SLF2: variants seen among roughly 807,000 people sequenced by gnomAD.
The protein encoded by SLF2 is SMC5/6 complex localization factor 2, also known as SMC5-SMC6 complex localization factor protein 2.
A neutral mutation model predicts 124.3 loss-of-function variants in SLF2; 68 were observed. That is an observed-to-expected ratio of 0.55 (90% CI 0.45 to 0.67). The LOEUF (loss-of-function observed/expected upper bound fraction) is 0.67. SLF2 is among the 30% of genes least tolerant of loss of function. SLF2 has a pLI of 0.00. For synonymous variants in SLF2, 480 were observed against 478.8 expected, an observed-to-expected ratio of 1.00 and a Z score of -0.03; for missense variants, 1,246 against 1,373.7, an observed-to-expected ratio of 0.91 and a Z score of 1.47.
intron 4 of SLF2, among the ~76,000 whole-genome samples, chr10:100,920,248 G>T (rs1849499525): frequency 6.6e-6 from 1 of 152,166 alleles, no homozygotes. Context: ...TTTTATATAA[G>T]GGGCTGCTGC....
intron 6 of SLF2, among the ~76,000 whole-genome samples, chr10:100,927,404 T>C: frequency 6.6e-6 from 1 of 152,280 alleles, no homozygotes; most frequent in East Asian, 1.9e-4. Flanking sequence ...TTCATTCATA[T>C]AGTAGCATGT....
rs1162715332 is a variant in SLF2, at chr10:100,945,451, A to G, written c.2879A>G (p.Asp960Gly). ...EKQLKQIPLV[D>G]FQSLLINLMK... ...CAGCTGAAACAGATTCCTTTAGTAG[A>G]CTTTCAAAGCCTCCTGATAAACCTG... The change falls in exon 13 of 20, where the codon GAC becomes GGC. Residue 960 changes from aspartate (D) to glycine (G), a missense_variant. This residue lies in a region of SLF2 where 535 missense variants were observed against 632.8 expected (regional missense o/e 0.85). Coordinates refer to ENST00000238961, the MANE Select transcript of SLF2 (RefSeq NM_018121.4). The G allele has an allele frequency of 5.0e-6, 8 of 1,593,064 alleles. No homozygotes were observed. The highest frequency in any genetic ancestry group is 6.0e-6 in the Non-Finnish European group (7 of 1,175,432).
chr10:100,959,814 C>T (rs896746332), intron 19 of SLF2, among the ~76,000 whole-genome samples: 4 of 152,114 alleles, frequency 2.6e-5, no homozygotes, highest in African/African-American at 4.8e-5. Context: ...ACCCACTTAA[C>T]GTGTACAGTG....
chr10:100,960,466 G>A (rs1850406573), intron 19 of SLF2, among the ~76,000 whole-genome samples: 1 of 152,212 alleles, frequency 6.6e-6, no homozygotes, highest in Admixed American at 6.5e-5. Flanking sequence ...GAGTAGGGAA[G>A]TAGAATCTCA....
intron 4 of SLF2, 139 bp from the exon 5 acceptor site, chr10:100,923,836 G>A (rs1285434327): frequency 3.6e-6 from 2 of 560,056 alleles, no homozygotes; most frequent in Non-Finnish European, 5.5e-6. Flanking sequence ...CTCTTTTTCT[G>A]CATTCCATAT....
rs1266519674 is a variant in SLF2, at chr10:100,963,853, T to C, written c.*1941T>C. The C allele has an allele frequency of 6.6e-6, 1 of 152,584 alleles. No homozygotes were observed. Among genetic ancestry groups the C allele is most frequent in the Non-Finnish European group, 1.5e-5 (1 of 68,032 alleles). The allele number at this position is 152,584 out of a possible 1,614,324, so 9.5% of individuals were successfully genotyped here. On this transcript the variant is annotated 3_prime_UTR_variant, in exon 20 of 20. Coordinates refer to ENST00000238961, the MANE Select transcript of SLF2 (RefSeq NM_018121.4). Reference sequence around the variant, plus strand: ...ACTGTCCATCAAATTTAAAACCACTTTGATACATTTTTATTTAACAGTTCC... The same window carrying C: ...ACTGTCCATCAAATTTAAAACCACTCTGATACATTTTTATTTAACAGTTCC...
In SLF2 at chr10:100,964,105, A is replaced by G. The variant is rs1391655504; in HGVS notation, c.*2193A>G. 1 of 152,540 alleles carries G rather than the reference A, an allele frequency of 6.6e-6. No individual in the cohort carries two copies. The highest frequency in any genetic ancestry group is 1.5e-5 in the Non-Finnish European group (1 of 68,042). The allele number at this position is 152,540 out of a possible 1,614,324, so 9.4% of individuals were successfully genotyped here. ...AAGTAGCCCATGGTTTTTCTTCCAA[A>G]TCAAGTATTTTACTTCTCCCTTGAG... is the stretch of plus-strand genomic sequence containing the variant. On this transcript the variant is annotated 3_prime_UTR_variant, in exon 20 of 20. Coordinates refer to ENST00000238961, the MANE Select transcript of SLF2 (RefSeq NM_018121.4).
intron 15 of SLF2, among the ~76,000 whole-genome samples, chr10:100,949,611 T>TGA (rs1850172397): frequency 6.6e-6 from 1 of 151,942 alleles, no homozygotes; most frequent in African/African-American, 2.4e-5. Context: ...TTTTTTTTTT[T>TGA]GAGAGATGTA....
chr10:100,936,152 C>T (rs2863094), intron 9 of SLF2, among the ~76,000 whole-genome samples: 39,274 of 151,448 alleles, frequency 0.26, 5,794 homozygotes, highest in East Asian at 0.56. Flanking sequence ...TGAGACACTG[C>T]GCCTGGCCCT....
In SLF2 at chr10:100,961,987, A is replaced by C; in HGVS notation, c.*75A>C. 2.2e-6 allele frequency: 3 copies of C among 1,334,144 alleles called. No individual in the cohort carries two copies. Among genetic ancestry groups the C allele is most frequent in the Non-Finnish European group, 3.1e-6 (3 of 956,920 alleles). 82.6% of individuals were successfully genotyped at this position (1,334,144 alleles called of 1,614,324 possible). A position where few individuals can be genotyped will look rare whatever the true frequency, so the allele number is the denominator to read the frequency against. ...CTTTCATAGAGGAGTAGAAAGGATTATTACAGAATCCAATGAATGCCAAGA... is the reference window on the plus strand; with the variant it reads ...CTTTCATAGAGGAGTAGAAAGGATTCTTACAGAATCCAATGAATGCCAAGA... On this transcript the variant is annotated 3_prime_UTR_variant, in exon 20 of 20. Coordinates refer to ENST00000238961, the MANE Select transcript of SLF2 (RefSeq NM_018121.4).
At position 100,916,790 on chromosome 10, in the gene SLF2, T is replaced by C. The variant is rs779397075; in HGVS notation, c.405T>C (p.Cys135=). 8 of 1,613,814 alleles carry C rather than the reference T, an allele frequency of 5.0e-6. No homozygotes were observed. The highest frequency in any genetic ancestry group is 6.8e-6 in the Non-Finnish European group (8 of 1,179,910). The change falls in exon 3 of 20, where the codon TGT becomes TGC. Residue 135 remains cysteine (C), a synonymous_variant. Transcript: ENST00000238961. ...GTATACATGAGTCACGTCGGCCTTG[T>C]CTGTCACTAGCCTCCAAATATTTAG... is the stretch of plus-strand genomic sequence containing the variant. ...DHGIHESRRP[C]LSLASKYLAK... is the part of the protein sequence containing the mutation.
intron 17 of SLF2, among the ~76,000 whole-genome samples, chr10:100,954,941 CTT>C (rs753768937): frequency 1.0e-4 from 14 of 137,018 alleles, no homozygotes; most frequent in Non-Finnish European, 9.4e-5. Flanking sequence ...GCAAGACTCT[CTT>C]TTTTTTTTTT....
At chr10:100,916,497 A>G (rs1849415759) in intron 2 of SLF2, 73 bp from the exon 3 acceptor site, 2 of 1,133,028 alleles carry the variant, frequency 1.8e-6, no homozygotes, top group Non-Finnish European at 2.2e-6. Flanking sequence ...TATATTTTAA[A>G]CATTAATAAT....
chr10:100,934,676 G>A (rs1261174734), intron 9 of SLF2, among the ~76,000 whole-genome samples: 3 of 151,604 alleles, frequency 2.0e-5, no homozygotes, highest in East Asian at 1.9e-4. Flanking sequence ...GCAGTGGCAC[G>A]ATCTCTTCTC....
intron 1 of SLF2, 63 bp downstream of exon 1, chr10:100,913,313 G>A: frequency 1.4e-6 from 2 of 1,384,450 alleles, no homozygotes; most frequent in East Asian, 3.0e-5. Context: ...GGGGAGGGCT[G>A]CAGACCGCCG....
intron 3 of SLF2, 88 bp downstream of exon 3, chr10:100,917,388 C>A: frequency 7.3e-7 from 1 of 1,374,028 alleles, no homozygotes; most frequent in Non-Finnish European, 9.7e-7. Flanking sequence ...GTTGTTACAT[C>A]ACATTGACGT....
intron 15 of SLF2, 118 bp downstream of exon 15, chr10:100,947,965 A>AAG (rs1850136884): frequency 6.3e-6 from 4 of 635,966 alleles, no homozygotes; most frequent in Non-Finnish European, 1.1e-5. Flanking sequence ...TAAGCTTGAT[A>AAG]CTGTTCATGT....
At chr10:100,960,413 C>T (rs765513764) in intron 19 of SLF2, among the ~76,000 whole-genome samples, 38 of 152,198 alleles carry the variant, frequency 2.5e-4, no homozygotes, top group Admixed American at 6.5e-4. Flanking sequence ...TCTAATTTCT[C>T]CATATTCTCA....
At position 100,962,892 on chromosome 10, in the gene SLF2, C is replaced by T. The variant is rs34928771; in HGVS notation, c.*980C>T. 14,250 of 152,136 alleles carry T rather than the reference C, an allele frequency of 0.094. 745 individuals carry two copies. Among genetic ancestry groups the T allele is most frequent in the Non-Finnish European group, 0.12 (7,949 of 67,954 alleles). 9.4% of individuals were successfully genotyped at this position (152,136 alleles called of 1,614,324 possible). On this transcript the variant is annotated 3_prime_UTR_variant, in exon 20 of 20. Transcript: ENST00000238961. The stretch of plus-strand genomic sequence containing the variant: ...GTGCGCTTGTATCTTGAAGTTGTTG[C>T]ACTTCAAAACCACAGCTGCTGTAAA...
Sources: allele counts gnomAD v4.1 joint callset (sites outside exome capture counted in the v4.1 genomes callset), GRCh38; gene constraint gnomAD v4.1.1; regional missense constraint gnomAD v4.1.1; transcripts MANE v1.5; gene names NCBI Gene and HGNC (gene_info 2026-07-23, HGNC 2026-07-21).